BRAF: variants seen among roughly 807,000 people sequenced by gnomAD.
BRAF encodes the protein serine/threonine-protein kinase B-raf.
A neutral mutation model predicts 104.6 loss-of-function variants in BRAF; 16 were observed. That is an observed-to-expected ratio of 0.15 (90% CI 0.10 to 0.23). The LOEUF (loss-of-function observed/expected upper bound fraction) is 0.23, where lower values mean the gene tolerates loss of function less well. Ranked by LOEUF, BRAF falls within the 10% of genes least tolerant of loss-of-function variation. BRAF has a pLI of 1.00. For missense variants in BRAF, 541 were observed against 937.3 expected (o/e 0.58, Z 5.52); for synonymous variants, 310 against 341.6 (o/e 0.91, Z 1.02).
At chr7:140,872,467 AT>A (rs1321530670) in intron 1 of BRAF, among the ~76,000 whole-genome samples, 1 of 152,146 alleles carries the variant, frequency 6.6e-6, no homozygotes, top group African/African-American at 2.4e-5. Flanking sequence ...GAGAATTAAA[AT>A]AAGAAGAAGA....
intron 1 of BRAF, among the ~76,000 whole-genome samples, chr7:140,893,418 T>C (rs2129119630): frequency 6.6e-6 from 1 of 152,060 alleles, no homozygotes; most frequent in African/African-American, 2.4e-5. Context: ...CCTGGCTAAT[T>C]TTTTGTATTT....
At position 140,720,692 on chromosome 7, in the gene BRAF, T is replaced by C. The variant is rs1324542616; in HGVS notation, c.*5802A>G. 2.8e-6 allele frequency: 3 copies of C among 1,065,860 alleles called. No homozygotes were observed. The highest frequency in any genetic ancestry group is 3.3e-5 in the African/African-American group (2 of 61,106). 66.0% of individuals were successfully genotyped at this position (1,065,860 alleles called of 1,614,324 possible). On this transcript the variant is annotated 3_prime_UTR_variant, in exon 20 of 20. Transcript: ENST00000644969. Reference sequence around the variant, plus strand: ...TCACCCCATTTTGGTCTCTGTTCTCTACATCTGTGCCTACTCTGTGAGCTT... The same window carrying C: ...TCACCCCATTTTGGTCTCTGTTCTCCACATCTGTGCCTACTCTGTGAGCTT...
intron 2 of BRAF, among the ~76,000 whole-genome samples, chr7:140,847,208 A>G (rs1484498843): frequency 2.0e-5 from 3 of 152,126 alleles, no homozygotes; most frequent in African/African-American, 7.2e-5. Context: ...AAACTCATTT[A>G]TATGTTCATT....
At chr7:140,804,731 CCTAAT>C (rs775954686) in intron 5 of BRAF, among the ~76,000 whole-genome samples, 1 of 152,290 alleles carries the variant, frequency 6.6e-6, no homozygotes, top group African/African-American at 2.4e-5. Context: ...ATTAGAACTT[CCTAAT>C]CTATTCTGCT....
At chr7:140,742,512 G>A (rs1295955283) in intron 17 of BRAF, among the ~76,000 whole-genome samples, 8 of 152,074 alleles carry the variant, frequency 5.3e-5, no homozygotes, top group Non-Finnish European at 4.4e-5. Context: ...GGTTTTAAGG[G>A]AATTAATTTC....
chr7:140,746,025 A>T (rs1339668348), intron 17 of BRAF, among the ~76,000 whole-genome samples: 2 of 152,148 alleles, frequency 1.3e-5, no homozygotes, highest in Admixed American at 6.5e-5. Flanking sequence ...TTCTGAGTAG[A>T]TCCTTTTAAC....
intron 3 of BRAF, among the ~76,000 whole-genome samples, chr7:140,817,984 C>T (rs748607367): frequency 2.6e-5 from 4 of 151,646 alleles, no homozygotes; most frequent in Non-Finnish European, 5.9e-5. Context: ...ATAAAAAGGA[C>T]AAGATGCTGA....
At chr7:140,741,647 A>G (rs1796929398) in intron 17 of BRAF, 4 of 152,160 alleles carry the variant, frequency 2.6e-5, no homozygotes, top group Admixed American at 2.0e-4. Flanking sequence ...TGTGACTCAT[A>G]CATACATATT....
At chr7:140,732,924 C>T (rs1455005721) in intron 19 of BRAF, 2 of 152,096 alleles carry the variant, frequency 1.3e-5, no homozygotes, top group African/African-American at 4.8e-5. Flanking sequence ...AAAACCCTAT[C>T]TAACAATTAC....
chr7:140,821,883 C>T (rs1805525686), intron 3 of BRAF, among the ~76,000 whole-genome samples: 1 of 152,136 alleles, frequency 6.6e-6, no homozygotes, highest in Admixed American at 6.6e-5. Context: ...AACCTGGATG[C>T]AGCTGGAAGC....
chr7:140,863,679 G>C (rs577961691), intron 1 of BRAF, among the ~76,000 whole-genome samples: 1 of 152,302 alleles, frequency 6.6e-6, no homozygotes, highest in East Asian at 1.9e-4. Flanking sequence ...TCTTGATGCT[G>C]TCCTTTTGAT....
At position 140,879,550 on chromosome 7, in the gene BRAF, TAAA is replaced by T. The variant is rs71170768; in HGVS notation, c.139-29341_139-29339del. 3.7e-3 allele frequency among the ~76,000 whole-genome samples: 453 copies of T among 121,640 alleles called. 2 individuals carry two copies. Among genetic ancestry groups the T allele is most frequent in the Non-Finnish European group, 5.6e-3 (327 of 58,164 alleles). 79.8% of individuals were successfully genotyped at this position (121,640 alleles called of 152,430 possible). ...CTAGTAATGTCCAATAGCATTATTC[TAAA>T]AAAAAAAAAAAAAAAAAGCACATAT... On this transcript the variant is annotated intron_variant, in intron 1 of 19. Transcript: ENST00000644969.
intron 1 of BRAF, among the ~76,000 whole-genome samples, chr7:140,874,447 G>A (rs948815941): frequency 1.3e-5 from 2 of 148,444 alleles, no homozygotes; most frequent in African/African-American, 5.0e-5. Context: ...TGATCTGCCC[G>A]CCTTGGCCTC....
chr7:140,752,238 T>C (rs1797852098), intron 16 of BRAF, among the ~76,000 whole-genome samples: 5 of 152,196 alleles, frequency 3.3e-5, no homozygotes, highest in South Asian at 2.1e-4. Flanking sequence ...TCTCACTATG[T>C]TGAGCAGGCC....
At chr7:140,840,012 C>T (rs898599536) in intron 2 of BRAF, among the ~76,000 whole-genome samples, 5 of 152,202 alleles carry the variant, frequency 3.3e-5, no homozygotes, top group African/African-American at 7.2e-5. Context: ...ATCTTCCACC[C>T]GCTCATTTCT....
At chr7:140,913,393 T>C (rs565848466) in intron 1 of BRAF, among the ~76,000 whole-genome samples, 166 of 151,506 alleles carry the variant, frequency 1.1e-3, no homozygotes, top group African/African-American at 3.8e-3. Context: ...TGAATACCTG[T>C]TGCCCTAAGA....
chr7:140,746,966 C>G (rs1370797266), intron 17 of BRAF, among the ~76,000 whole-genome samples: 1 of 152,112 alleles, frequency 6.6e-6, no homozygotes, highest in Non-Finnish European at 1.5e-5. Flanking sequence ...CAGGCAAAAT[C>G]TGCCACCTCA....
intron 2 of BRAF, among the ~76,000 whole-genome samples, chr7:140,846,812 G>C (rs143240065): frequency 6.6e-6 from 1 of 152,252 alleles, no homozygotes; most frequent in East Asian, 1.9e-4. Flanking sequence ...TTAAATATCA[G>C]TATGTACAGG....
chr7:140,716,898 C>G (rs562507505), downstream of BRAF, among the ~76,000 whole-genome samples: 25 of 152,232 alleles, frequency 1.6e-4, no homozygotes, highest in Non-Finnish European at 3.5e-4. Context: ...TCGCCTGCTG[C>G]AACCATTTCA....
Sources: gnomAD v4.1 joint callset for allele counts (sites outside exome capture counted in the v4.1 genomes callset) on GRCh38, gnomAD v4.1.1 for gene constraint, MANE v1.5 for transcripts, NCBI Gene and HGNC (gene_info 2026-07-23, HGNC 2026-07-21) for gene names.